The following LRP1B variants were observed in gnomAD, a reference collection of about 807,000 sequenced individuals.
The protein encoded by LRP1B is LDL receptor related protein 1B.
A neutral mutation model predicts 556.6 loss-of-function variants in LRP1B; 217 were observed. That is an observed-to-expected ratio of 0.39 (90% confidence interval 0.35 to 0.44). The LOEUF is 0.44. Ranked by LOEUF, LRP1B falls within the 20% of genes least tolerant of loss-of-function variation. The pLI is 1.00. For synonymous variants in LRP1B, 2,047 were observed against 1,865.8 expected, an observed-to-expected ratio of 1.10 and a Z score of -2.50; for missense variants, 5,053 against 5,620.8, an observed-to-expected ratio of 0.90 and a Z score of 3.23.
chr2:140,842,609 T>G (rs1249132356), intron 29 of LRP1B, among the ~76,000 whole-genome samples: 1 of 152,034 alleles, frequency 6.6e-6, no homozygotes, highest in Non-Finnish European at 1.5e-5. Context: ...ATTTCATCTT[T>G]TTTTTTTTAG....
intron 27 of LRP1B, among the ~76,000 whole-genome samples, chr2:140,858,762 G>A (rs1256843951): frequency 6.6e-6 from 1 of 151,880 alleles, no homozygotes; most frequent in African/African-American, 2.4e-5. Flanking sequence ...AGGCCCCAGT[G>A]TGTGTTGTTC....
intron 11 of LRP1B, among the ~76,000 whole-genome samples, chr2:141,024,399 G>C (rs1318989881): frequency 2.0e-5 from 3 of 151,920 alleles, no homozygotes; most frequent in Non-Finnish European, 4.4e-5. Flanking sequence ...GCATATAAGG[G>C]TCTTATTTTC....
rs371404430 is a variant in LRP1B, at chr2:141,020,993, A to G, written c.1790-891T>C. Among the ~76,000 whole-genome samples, 116 of 152,074 alleles carry G rather than the reference A, an allele frequency of 7.6e-4. 2 individuals carry two copies. In the South Asian group the frequency reaches 0.023, roughly 30 times the overall value. The stretch of plus-strand genomic sequence containing the variant: ...CTTCATCCACACTTCAGCCTACAAC[A>G]TTACAACTACGATTCCATTCTTCTG... On this transcript the variant is annotated intron_variant, in intron 11 of 90. Coordinates refer to ENST00000389484, the MANE Select transcript of LRP1B (RefSeq NM_018557.3).
At chr2:141,696,001 C>T (rs903129140) in intron 2 of LRP1B, among the ~76,000 whole-genome samples, 1 of 151,930 alleles carries the variant, frequency 6.6e-6, no homozygotes, top group African/African-American at 2.4e-5. Flanking sequence ...GAAAAAAAAT[C>T]TTGTATATCA....
chr2:141,796,552 TC>T (rs1695817848), intron 2 of LRP1B, among the ~76,000 whole-genome samples: 1 of 151,136 alleles, frequency 6.6e-6, no homozygotes, highest in Non-Finnish European at 1.5e-5. Context: ...TCAATTTCAA[TC>T]TGAACATAGA....
At chr2:140,274,670 G>A (rs2104953159) in intron 84 of LRP1B, 72 bp from the exon 85 acceptor site, 1 of 1,261,478 alleles carries the variant, frequency 7.9e-7, no homozygotes, top group African/African-American at 1.5e-5. Context: ...TAATTAAGGT[G>A]ACCCTTTCAT....
intron 7 of LRP1B, among the ~76,000 whole-genome samples, chr2:141,166,309 C>T (rs1198925739): frequency 6.6e-6 from 1 of 151,050 alleles, no homozygotes; most frequent in Non-Finnish European, 1.5e-5. Context: ...CTTTAGATAA[C>T]ATCTTAAATG....
chr2:141,403,911 T>C (rs1573906552), intron 3 of LRP1B, among the ~76,000 whole-genome samples: 1 of 152,124 alleles, frequency 6.6e-6, no homozygotes, highest in Admixed American at 6.5e-5. Flanking sequence ...GATTCCATCT[T>C]AAAGGTCACT....
At chr2:141,961,202 G>A (rs1012588285) in intron 1 of LRP1B, among the ~76,000 whole-genome samples, 1 of 151,486 alleles carries the variant, frequency 6.6e-6, no homozygotes, top group Admixed American at 6.6e-5. Flanking sequence ...TCATTTTTCA[G>A]AGTCATTGCA....
At chr2:141,412,653 G>A (rs1223837446) in intron 3 of LRP1B, among the ~76,000 whole-genome samples, 1 of 152,042 alleles carries the variant, frequency 6.6e-6, no homozygotes, top group Non-Finnish European at 1.5e-5. Context: ...AACGTACAAT[G>A]CAACATATTT....
At chr2:140,513,956 G>T (rs114906821) in intron 51 of LRP1B, among the ~76,000 whole-genome samples, 1 of 151,870 alleles carries the variant, frequency 6.6e-6, no homozygotes. Flanking sequence ...ATTCTTGGCC[G>T]GTAAGAACAA....
At chr2:141,121,112 A>G (rs913753717) in intron 7 of LRP1B, among the ~76,000 whole-genome samples, 2 of 152,056 alleles carry the variant, frequency 1.3e-5, no homozygotes, top group Non-Finnish European at 2.9e-5. Flanking sequence ...CGACACTGGC[A>G]AGTAATTAAT....
At position 140,407,702 on chromosome 2, in the gene LRP1B, A is replaced by G. The variant is rs111612329; in HGVS notation, c.10415-21693T>C. Among the ~76,000 whole-genome samples the G allele has an allele frequency of 2.3e-4, 35 of 152,190 alleles. 3 individuals carry two copies. The highest frequency in any genetic ancestry group is 6.7e-4 in the African/African-American group (28 of 41,534). ...AGTACATGTTGCTGTGGATGTGGTG[A>G]AAAGAGAACACTTTTGTACTGCTGG... is the stretch of plus-strand genomic sequence containing the variant. On this transcript the variant is annotated intron_variant, in intron 66 of 90. Coordinates refer to ENST00000389484, the MANE Select transcript of LRP1B (RefSeq NM_018557.3).
intron 41 of LRP1B, among the ~76,000 whole-genome samples, chr2:140,659,328 C>T (rs1685010819): frequency 6.6e-6 from 1 of 151,478 alleles, no homozygotes; most frequent in Admixed American, 6.6e-5. Flanking sequence ...ATGATACTAC[C>T]CTGTGTACAT....
At chr2:140,305,143 T>C (rs1344495350) in intron 83 of LRP1B, among the ~76,000 whole-genome samples, 2 of 152,196 alleles carry the variant, frequency 1.3e-5, no homozygotes, top group Non-Finnish European at 2.9e-5. Context: ...ATGTGGGCTC[T>C]TTTTTGGTTC....
chr2:141,501,017 C>A (rs1280031208), intron 2 of LRP1B, among the ~76,000 whole-genome samples: 1 of 152,012 alleles, frequency 6.6e-6, no homozygotes, highest in East Asian at 1.9e-4. Flanking sequence ...ACAATTTAAT[C>A]ATTCACTCTA....
intron 3 of LRP1B, among the ~76,000 whole-genome samples, chr2:141,324,528 CAT>C (rs1233920106): frequency 6.6e-6 from 1 of 152,018 alleles, no homozygotes; most frequent in Non-Finnish European, 1.5e-5. Flanking sequence ...CTGAAAATGA[CAT>C]ATATTTAGAT....
chr2:140,381,146 T>C (rs1258350228), intron 67 of LRP1B, among the ~76,000 whole-genome samples: 1 of 152,100 alleles, frequency 6.6e-6, no homozygotes, highest in African/African-American at 2.4e-5. Flanking sequence ...AGAAACTCTC[T>C]CTTCAGGAAA....
At chr2:140,492,936 T>G (rs533876393) in intron 56 of LRP1B, among the ~76,000 whole-genome samples, 1 of 152,320 alleles carries the variant, frequency 6.6e-6, no homozygotes, top group East Asian at 1.9e-4. Context: ...CTCAATATTC[T>G]TGACATTCAG....
Sources: gnomAD v4.1 joint callset for allele counts (sites outside exome capture counted in the v4.1 genomes callset) on GRCh38, gnomAD v4.1.1 for gene constraint, MANE v1.5 for transcripts, NCBI Gene and HGNC (gene_info 2026-07-23, HGNC 2026-07-21) for gene names.